The following EIF4ENIF1 variants were observed in gnomAD, a reference collection of about 807,000 sequenced individuals.
The protein encoded by EIF4ENIF1 is eukaryotic translation initiation factor 4E nuclear import factor 1.
EIF4ENIF1 carries 23 observed loss-of-function variants against 110.5 expected under a neutral mutation model. The observed-to-expected ratio is 0.21, with a 90% confidence interval of 0.15 to 0.29. The LOEUF (loss-of-function observed/expected upper bound fraction) is 0.29, where lower values mean the gene tolerates loss of function less well. EIF4ENIF1 is among the 10% of genes least tolerant of loss of function. The pLI is 1.00. For missense variants in EIF4ENIF1, 1,031 were observed against 1,221.1 expected (o/e 0.84, Z 2.32); for synonymous variants, 440 against 437.0 (o/e 1.01, Z -0.09).
In EIF4ENIF1 at chr22:31,442,972, C is replaced by G. The variant is rs899463772; in HGVS notation, c.2196G>C (p.Lys732Asn). 6.2e-7 allele frequency: 1 copy of G among 1,613,884 alleles called. No homozygotes were observed. The highest frequency in any genetic ancestry group is 1.7e-5 in the Admixed American group (1 of 59,972). The change falls in exon 16 of 19, where the codon AAG (lysine) becomes AAC (asparagine). Residue 732 changes from lysine (K) to asparagine (N), a missense_variant. Transcript: ENST00000330125. Reference sequence around the variant, plus strand: ...ACAGCTCTGCAGTACCTTCACTGGCCTTCTGAGTATCCTCTTTACTGTCAC... The same window carrying G: ...ACAGCTCTGCAGTACCTTCACTGGCGTTCTGAGTATCCTCTTTACTGTCAC... ...ALGDSKEDTQ[K>N]ASEENLLSSS...
chr22:31,450,719 GACACAC>G (rs10550760), intron 10 of EIF4ENIF1: 46 of 246,146 alleles, frequency 1.9e-4, no homozygotes, highest in Middle Eastern at 1.6e-3. Flanking sequence ...ATTTATTGGA[GACACAC>G]ACACACACAC....
At chr22:31,463,401 G>A (rs747994176) in intron 5 of EIF4ENIF1, among the ~76,000 whole-genome samples, 1 of 151,992 alleles carries the variant, frequency 6.6e-6, no homozygotes, top group Non-Finnish European at 1.5e-5. Context: ...AACCCAGGTC[G>A]GGTGTGGTGG....
rs757150182 is a variant in EIF4ENIF1, at chr22:31,441,853, G to C, written c.2472C>G (p.His824Gln). The C allele has an allele frequency of 6.2e-7, 1 of 1,614,192 alleles. No individual in the cohort carries two copies. Among genetic ancestry groups the C allele is most frequent in the African/African-American group, 1.3e-5 (1 of 75,028 alleles). ...VPHVPMVRPA[H>Q]QLHPGLVQRM... is the part of the protein sequence containing the mutation. ...TCTGTACCAACCCTGGGTGAAGCTG[G>C]TGAGCAGGCCTAACCATAGGGACAT... Residue 824 changes from histidine (H) to glutamine (Q), a missense_variant, in exon 17 of 19, where the codon CAC (histidine) becomes CAG (glutamine). This residue lies in a region of EIF4ENIF1 where 309 missense variants were observed against 299.1 expected (regional missense o/e 1.03). Coordinates refer to ENST00000330125, the MANE Select transcript of EIF4ENIF1 (RefSeq NM_019843.4).
chr22:31,453,480 T>A (rs2050734132), intron 10 of EIF4ENIF1: 1 of 246,598 alleles, frequency 4.1e-6, no homozygotes, highest in African/African-American at 2.3e-5. Flanking sequence ...GTTCAAGCAG[T>A]TCTCTTGTCT....
intron 6 of EIF4ENIF1, among the ~76,000 whole-genome samples, chr22:31,459,124 C>G (rs190840721): frequency 2.0e-5 from 3 of 151,880 alleles, no homozygotes; most frequent in African/African-American, 7.3e-5. Context: ...GACTGAGTCT[C>G]GCTAAATTGC....
intron 2 of EIF4ENIF1, among the ~76,000 whole-genome samples, chr22:31,480,075 C>T (rs1254727095): frequency 1.3e-5 from 2 of 152,024 alleles, no homozygotes; most frequent in African/African-American, 4.8e-5. Context: ...TACCATATGG[C>T]GAATATAAGA....
At chr22:31,480,623 C>T (rs1039195521) in intron 2 of EIF4ENIF1, among the ~76,000 whole-genome samples, 1 of 152,030 alleles carries the variant, frequency 6.6e-6, no homozygotes, top group African/African-American at 2.4e-5. Context: ...GGCATGGTGG[C>T]GTGCGCCTGT....
chr22:31,446,207 C>T (rs2050469335), intron 14 of EIF4ENIF1, among the ~76,000 whole-genome samples: 1 of 143,744 alleles, frequency 7.0e-6, no homozygotes, highest in Non-Finnish European at 1.5e-5. Context: ...ACTGCTTGAA[C>T]CCAGGAGGAG....
intron 2 of EIF4ENIF1, among the ~76,000 whole-genome samples, chr22:31,478,676 G>A (rs1266528156): frequency 6.6e-6 from 1 of 151,822 alleles, no homozygotes; most frequent in Non-Finnish European, 1.5e-5. Flanking sequence ...AAATGGCCGG[G>A]CACAGTGGCT....
At chr22:31,442,277 A>C (rs916267543) in intron 16 of EIF4ENIF1, among the ~76,000 whole-genome samples, 159 bp from the exon 17 acceptor site, 11 of 152,246 alleles carry the variant, frequency 7.2e-5, no homozygotes, top group African/African-American at 1.9e-4. Context: ...TTTGCTTCAT[A>C]AACAGGACCA....
Position 31,449,344 on chromosome 22 carries a change from T to A in EIF4ENIF1, c.1768+4A>T. On this transcript the variant is annotated splice_donor_region_variant and intron_variant, in intron 12 of 18. Coordinates refer to ENST00000330125, the MANE Select transcript of EIF4ENIF1 (RefSeq NM_019843.4). ...TATTTCTTTTGACAAATAAGTATAT[T>A]TACCAATTGGTGATGGTATTCTTGG... 6.2e-7 allele frequency: 1 copy of A among 1,612,948 alleles called. No homozygotes were observed. Among genetic ancestry groups the A allele is most frequent in the Non-Finnish European group, 8.5e-7 (1 of 1,179,500 alleles).
intron 7 of EIF4ENIF1, among the ~76,000 whole-genome samples, chr22:31,456,435 G>T (rs200470320): frequency 1.6e-4 from 24 of 152,020 alleles, no homozygotes; most frequent in South Asian, 1.2e-3. Flanking sequence ...GTGTTAGCCA[G>T]GATGGTCTCG....
At chr22:31,450,267 T>C in intron 11 of EIF4ENIF1, 22 bp downstream of exon 11, 1 of 1,605,454 alleles carries the variant, frequency 6.2e-7, no homozygotes, top group Non-Finnish European at 8.5e-7. Context: ...CTCCAAGGCC[T>C]CAGTATAAGA....
chr22:31,453,015 T>C (rs1387751370), intron 10 of EIF4ENIF1, among the ~76,000 whole-genome samples: 1 of 150,170 alleles, frequency 6.7e-6, no homozygotes, highest in Non-Finnish European at 1.5e-5. Context: ...ACTGGTAAGT[T>C]CCCAGGCAAG....
chr22:31,456,513 A>T (rs187062700), intron 7 of EIF4ENIF1, among the ~76,000 whole-genome samples: 93 of 150,806 alleles, frequency 6.2e-4, no homozygotes, highest in Non-Finnish European at 9.7e-4. Flanking sequence ...ATGAGCCACC[A>T]CACCCGGTCT....
At chr22:31,444,480 AACT>A (rs1265483497) in intron 15 of EIF4ENIF1, 123 bp downstream of exon 15, 1 of 881,944 alleles carries the variant, frequency 1.1e-6, no homozygotes. Flanking sequence ...AGTTATGAAA[AACT>A]ACTAGGTCAG....
At chr22:31,486,121 T>A (rs999826933) in intron 2 of EIF4ENIF1, among the ~76,000 whole-genome samples, 4 of 151,592 alleles carry the variant, frequency 2.6e-5, no homozygotes, top group Admixed American at 2.6e-4. Flanking sequence ...AATACAAAAA[T>A]GAGCTGGGCG....
chr22:31,479,569 A>C (rs2051732572), intron 2 of EIF4ENIF1: 1 of 152,142 alleles, frequency 6.6e-6, no homozygotes. Context: ...ATATTTTCAA[A>C]GAAAACGTTC....
At chr22:31,463,534 T>C in intron 5 of EIF4ENIF1, 147 bp downstream of exon 5, 1 of 796,920 alleles carries the variant, frequency 1.3e-6, no homozygotes, top group East Asian at 2.8e-5. Context: ...TATAAAAAGT[T>C]AGCCGGGTAT....
Sources: allele counts gnomAD v4.1 joint callset (sites outside exome capture counted in the v4.1 genomes callset), GRCh38; gene constraint gnomAD v4.1.1; regional missense constraint gnomAD v4.1.1; transcripts MANE v1.5; gene names NCBI Gene and HGNC (gene_info 2026-07-23, HGNC 2026-07-21).